The following COA1 variants were observed in gnomAD, a reference collection of about 807,000 sequenced individuals.
COA1 encodes the protein cytochrome c oxidase assembly factor 1, also known as cytochrome c oxidase assembly factor 1 homolog.
A neutral mutation model predicts 16.0 loss-of-function variants in COA1; 13 were observed. The observed-to-expected ratio is 0.81, with a 90% CI of 0.53 to 1.29. The LOEUF is 1.29. Ranked by LOEUF, COA1 falls within the 50% of genes most tolerant of loss-of-function variation. COA1 has a pLI of 0.00. For missense variants in COA1, 179 were observed against 177.0 expected, an observed-to-expected ratio of 1.01 and a Z score of -0.06; for synonymous variants, 65 against 65.7, an observed-to-expected ratio of 0.99 and a Z score of 0.05.
At chr7:43,635,414 A>C (rs1358152240), downstream of COA1, among the ~76,000 whole-genome samples, 1 of 152,156 alleles carries the variant, frequency 6.6e-6, no homozygotes, top group Non-Finnish European at 1.5e-5. Flanking sequence ...TGTCTCCCTT[A>C]TGCTCCGTGT....
At chr7:43,700,765 A>G (rs954797492) in intron 1 of COA1, among the ~76,000 whole-genome samples, 3 of 152,170 alleles carry the variant, frequency 2.0e-5, no homozygotes, top group African/African-American at 7.2e-5. Context: ...AAGAAAATGA[A>G]GCCATAGCAA....
intron 1 of COA1, among the ~76,000 whole-genome samples, chr7:43,713,376 A>G (rs1454777903): frequency 2.6e-5 from 4 of 152,198 alleles, no homozygotes; most frequent in Non-Finnish European, 1.5e-5. Context: ...TTTTGCTACA[A>G]TACCTTACTA....
chr7:43,641,023 C>T (rs11761077), intron 4 of COA1: 137,797 of 167,354 alleles, frequency 0.82, 57,137 homozygotes, highest in African/African-American at 0.94. Context: ...GAGGAGTATA[C>T]AAGTATTTAT....
intron 1 of COA1, among the ~76,000 whole-genome samples, chr7:43,701,713 G>A (rs1419424596): frequency 6.6e-6 from 1 of 152,186 alleles, no homozygotes; most frequent in East Asian, 1.9e-4. Flanking sequence ...CACCAGCAGT[G>A]TATATGCATT....
In COA1 at chr7:43,639,698, G is replaced by A. The variant is rs1268174338; in HGVS notation, c.342-17C>T. 4 of 1,587,390 alleles carry A rather than the reference G, an allele frequency of 2.5e-6. No homozygotes were observed. The highest frequency in any genetic ancestry group is 1.7e-5 in the Admixed American group (1 of 59,948). ...AGGTGCCACCTGAGAGAAACCAAAA[G>A]TATAGTATCTCTAATCTATGAAGGC... On this transcript the variant is annotated splice_polypyrimidine_tract_variant and intron_variant, in intron 5 of 5. Transcript: ENST00000223336.
At chr7:43,711,690 T>C (rs1420720801) in intron 1 of COA1, among the ~76,000 whole-genome samples, 1 of 152,218 alleles carries the variant, frequency 6.6e-6, no homozygotes, top group Non-Finnish European at 1.5e-5. Flanking sequence ...CTAAGCTGTA[T>C]GGTATGGCCT....
intron 1 of COA1, among the ~76,000 whole-genome samples, chr7:43,693,068 C>T (rs562912791): frequency 6.6e-6 from 1 of 152,260 alleles, no homozygotes; most frequent in Non-Finnish European, 1.5e-5. Context: ...AATGTACAAC[C>T]AGGGCTGAGA....
chr7:43,713,770 G>T (rs571475361), intron 1 of COA1, among the ~76,000 whole-genome samples: 11 of 152,264 alleles, frequency 7.2e-5, no homozygotes, highest in African/African-American at 2.6e-4. Flanking sequence ...TAGGTGCACT[G>T]GCTCAGGCCT....
At position 43,639,506 on chromosome 7, in the gene COA1, G is replaced by A. The variant is rs1412596790; in HGVS notation, c.*76C>T. On this transcript the variant is annotated 3_prime_UTR_variant, in exon 6 of 6. Coordinates refer to ENST00000223336, the MANE Select transcript of COA1 (RefSeq NM_018224.4). ...GCAGGAGTGTCTGTCACTGAGATGG[G>A]CCACCACCCCAGTGGCCATATGGTA... The A allele has an allele frequency of 3.3e-6, 4 of 1,204,972 alleles. No homozygotes were observed. Among genetic ancestry groups the A allele is most frequent in the African/African-American group, 1.5e-5 (1 of 66,544 alleles). The allele number at this position is 1,204,972 out of a possible 1,614,324, so 74.6% of individuals were successfully genotyped here.
chr7:43,703,503 CTGGGTGCTCTAGTGT>C (rs1283214113), intron 1 of COA1, among the ~76,000 whole-genome samples: 3 of 152,164 alleles, frequency 2.0e-5, no homozygotes, highest in African/African-American at 7.2e-5. Flanking sequence ...TTTTATGAAT[CTGGGTGCTCTAGTGT>C]TGGGTGCATA....
intron 1 of COA1, among the ~76,000 whole-genome samples, chr7:43,691,068 A>AAC (rs2094261389): frequency 7.3e-6 from 1 of 137,124 alleles, no homozygotes; most frequent in Non-Finnish European, 1.5e-5. Flanking sequence ...AAAAAAAAAA[A>AAC]AAAAAAAAAC....
intron 6 of COA1, among the ~76,000 whole-genome samples, chr7:43,612,852 A>G (rs2083000235): frequency 6.6e-6 from 1 of 152,048 alleles, no homozygotes; most frequent in African/African-American, 2.4e-5. Flanking sequence ...GGAGTCTGTA[A>G]AAGTATGAGT....
At chr7:43,718,710 T>C (rs572999444) in intron 1 of COA1, among the ~76,000 whole-genome samples, 1 of 152,326 alleles carries the variant, frequency 6.6e-6, no homozygotes, top group South Asian at 2.1e-4. Context: ...ACCTCAATTT[T>C]CAGAGATACT....
At chr7:43,691,038 C>T (rs1314362131) in intron 1 of COA1, among the ~76,000 whole-genome samples, 3 of 114,120 alleles carry the variant, frequency 2.6e-5, no homozygotes, top group Admixed American at 2.3e-4. Context: ...GGCAATATAG[C>T]GAGACCTCAT....
At chr7:43,726,588 T>C (rs1159188713) in intron 1 of COA1, among the ~76,000 whole-genome samples, 1 of 152,240 alleles carries the variant, frequency 6.6e-6, no homozygotes, top group East Asian at 1.9e-4. Context: ...TTGCTTCATT[T>C]TTCAAGTCTT....
intron 1 of COA1, among the ~76,000 whole-genome samples, chr7:43,714,870 T>C (rs1394784270): frequency 1.3e-5 from 2 of 151,556 alleles, no homozygotes; most frequent in African/African-American, 2.4e-5. Context: ...TAGCTGGACA[T>C]GGTGGTGCAC....
At chr7:43,627,046 G>C (rs966908092) in intron 6 of COA1, among the ~76,000 whole-genome samples, 5 of 152,094 alleles carry the variant, frequency 3.3e-5, no homozygotes, top group South Asian at 4.1e-4. Flanking sequence ...AGCTGTTAAT[G>C]TTCCTTTTTT....
intron 1 of COA1, among the ~76,000 whole-genome samples, chr7:43,687,861 T>A (rs1278372819): frequency 6.6e-6 from 1 of 152,120 alleles, no homozygotes; most frequent in Non-Finnish European, 1.5e-5. Context: ...TTTGGCTGTG[T>A]CCCCACCCAA....
chr7:43,615,416 ATCCAC>A (rs2083255422), intron 6 of COA1, among the ~76,000 whole-genome samples: 1 of 152,108 alleles, frequency 6.6e-6, no homozygotes, highest in African/African-American at 2.4e-5. Flanking sequence ...AGCTCAAACA[ATCCAC>A]TCACCTCGGC....
Sources: allele counts gnomAD v4.1 joint callset (sites outside exome capture counted in the v4.1 genomes callset), GRCh38; gene constraint gnomAD v4.1.1; transcripts MANE v1.5; gene names NCBI Gene and HGNC (gene_info 2026-07-23, HGNC 2026-07-21).